Variants in TESC observed in about 807,000 individuals in gnomAD.
TESC encodes tescalcin, also known as calcineurin B homologous protein 3.
TESC carries 19 observed loss-of-function variants against 31.0 expected under a neutral mutation model. The ratio of observed to expected loss-of-function variants is 0.61; its 90% CI spans 0.43 to 0.90. The LOEUF (loss-of-function observed/expected upper bound fraction) is 0.90. TESC is among the 40% of genes least tolerant of loss of function. The pLI, the probability that TESC is intolerant of heterozygous loss-of-function variation, is 0.00. For synonymous variants in TESC, 109 were observed against 114.8 expected, an observed-to-expected ratio of 0.95 and a Z score of 0.32; for missense variants, 248 against 303.8, an observed-to-expected ratio of 0.82 and a Z score of 1.36.
chr12:117,075,904 T>TATATGTATGTATATATAC (rs1955060045), intron 1 of TESC, among the ~76,000 whole-genome samples: 1 of 91,358 alleles, frequency 1.1e-5, no homozygotes, highest in African/African-American at 6.8e-5. Flanking sequence ...TATATATATA[T>TATATGTATGTATATATAC]ATATATATAT....
chr12:117,097,919 C>A, intron 1 of TESC, among the ~76,000 whole-genome samples: 1 of 152,184 alleles, frequency 6.6e-6, no homozygotes, highest in Non-Finnish European at 1.5e-5. Flanking sequence ...AAAAAGGGTA[C>A]CATATTATAT....
intron 1 of TESC, among the ~76,000 whole-genome samples, chr12:117,086,120 C>T (rs1033757846): frequency 1.3e-5 from 2 of 152,006 alleles, no homozygotes; most frequent in African/African-American, 4.8e-5. Flanking sequence ...GATTAGTGGT[C>T]GCCAGGGGCT....
chr12:117,097,915 G>A (rs76787795), intron 1 of TESC, among the ~76,000 whole-genome samples: 4,898 of 152,072 alleles, frequency 0.032, 121 homozygotes, highest in Admixed American at 0.05. Context: ...CAGAAAAAAG[G>A]GTACCATATT....
At chr12:117,050,764 C>A (rs1954637238) in intron 3 of TESC, among the ~76,000 whole-genome samples, 1 of 152,146 alleles carries the variant, frequency 6.6e-6, no homozygotes, top group Non-Finnish European at 1.5e-5. Context: ...GAAACCCTGT[C>A]TCTACAAAAA....
At chr12:117,046,480 C>A in intron 6 of TESC, 79 bp downstream of exon 6, 1 of 1,389,604 alleles carries the variant, frequency 7.2e-7, no homozygotes, top group Non-Finnish European at 9.7e-7. Context: ...CTGGCCCCTG[C>A]CCCATGAGGC....
chr12:117,098,900 G>GGAC (rs1272439731), intron 1 of TESC, among the ~76,000 whole-genome samples: 4 of 152,100 alleles, frequency 2.6e-5, no homozygotes, highest in Non-Finnish European at 4.4e-5. Context: ...GGTGCCTGAG[G>GGAC]GACTTGCCCG....
chr12:117,055,384 C>A (rs1954705687), intron 3 of TESC, among the ~76,000 whole-genome samples: 1 of 152,188 alleles, frequency 6.6e-6, no homozygotes, highest in South Asian at 2.1e-4. Flanking sequence ...CTCAAGTGAT[C>A]TGCCGGCCTC....
At chr12:117,086,608 A>G (rs531354046) in intron 1 of TESC, among the ~76,000 whole-genome samples, 2 of 138,764 alleles carry the variant, frequency 1.4e-5, no homozygotes, top group South Asian at 4.6e-4. Context: ...AATTTTTTTA[A>G]TTTTTCTTTT....
intron 3 of TESC, among the ~76,000 whole-genome samples, chr12:117,052,952 C>A (rs1217719635): frequency 4.7e-5 from 3 of 63,822 alleles, no homozygotes; most frequent in African/African-American, 3.1e-4. Context: ...CCCCAGTTCT[C>A]CTGGTAATCC....
chr12:117,059,897 C>T (rs1422753234), intron 2 of TESC, among the ~76,000 whole-genome samples: 2 of 152,128 alleles, frequency 1.3e-5, no homozygotes, highest in African/African-American at 4.8e-5. Flanking sequence ...TGTCCAGGAA[C>T]GAGATTCTCA....
intron 2 of TESC, among the ~76,000 whole-genome samples, chr12:117,071,812 C>T (rs933803809): frequency 2.0e-5 from 3 of 152,120 alleles, no homozygotes; most frequent in South Asian, 2.1e-4. Flanking sequence ...ACAGAGAGGC[C>T]GCGCCAGCTC....
chr12:117,075,875 GTATATATATATATATA>G lies in TESC; in HGVS notation c.59-551_59-536del, dbSNP rs528031954. On this transcript the variant is annotated intron_variant, in intron 1 of 7. Transcript: ENST00000335209. ...TATATATATATATATATATATGTGT[GTATATATATATATATA>G]TATATATATATATATATATATATGT... is the stretch of plus-strand genomic sequence containing the variant. Among the ~76,000 whole-genome samples the G allele has an allele frequency of 1.2e-3, 74 of 62,534 alleles. 1 individual carries two copies. The highest frequency in any genetic ancestry group is 1.6e-3 in the Non-Finnish European group (59 of 36,070). 41.0% of individuals were successfully genotyped at this position (62,534 alleles called of 152,430 possible). A position where few individuals can be genotyped will look rare whatever the true frequency, so the allele number is the denominator to read the frequency against.
chr12:117,066,322 T>C (rs1004003472), intron 2 of TESC, among the ~76,000 whole-genome samples: 6 of 148,776 alleles, frequency 4.0e-5, no homozygotes, highest in Non-Finnish European at 8.9e-5. Context: ...TGTTCTTGCC[T>C]CAGCCTTCTG....
intron 1 of TESC, 30 bp downstream of exon 1, chr12:117,099,195 G>A: frequency 6.8e-7 from 1 of 1,476,864 alleles, no homozygotes; most frequent in Admixed American, 2.3e-5. Context: ...TCCCGCCCCG[G>A]TCCCCGCGCC....
intron 1 of TESC, among the ~76,000 whole-genome samples, chr12:117,083,395 C>T (rs1955175231): frequency 6.6e-6 from 1 of 152,084 alleles, no homozygotes; most frequent in Non-Finnish European, 1.5e-5. Context: ...TCCATTTATA[C>T]CCGAGATAAA....
chr12:117,075,656 A>G (rs1955041983), intron 1 of TESC, among the ~76,000 whole-genome samples: 1 of 151,218 alleles, frequency 6.6e-6, no homozygotes. Context: ...AGCCCACTAC[A>G]GAGAAACTTT....
intron 7 of TESC, among the ~76,000 whole-genome samples, chr12:117,039,878 G>A (rs1033190075): frequency 3.9e-5 from 6 of 152,222 alleles, no homozygotes; most frequent in African/African-American, 1.2e-4. Context: ...GTGGGCCTTC[G>A]TGCTACAAGG....
At chr12:117,084,913 C>T (rs372220399) in intron 1 of TESC, among the ~76,000 whole-genome samples, 1 of 152,250 alleles carries the variant, frequency 6.6e-6, no homozygotes, top group African/African-American at 2.4e-5. Flanking sequence ...CCTGTGCTTG[C>T]ATGGCCCTCT....
At chr12:117,097,867 C>T (rs1955416323) in intron 1 of TESC, among the ~76,000 whole-genome samples, 1 of 151,978 alleles carries the variant, frequency 6.6e-6, no homozygotes. Flanking sequence ...TTTCTTTTTA[C>T]TTTGCGGCTC....
Sources: gnomAD v4.1 joint callset for allele counts (sites outside exome capture counted in the v4.1 genomes callset) on GRCh38, gnomAD v4.1.1 for gene constraint, MANE v1.5 for transcripts, NCBI Gene and HGNC (gene_info 2026-07-23, HGNC 2026-07-21) for gene names.